TOX: variants seen among roughly 807,000 people sequenced by gnomAD.
TOX encodes the protein thymocyte selection associated high mobility group box, also known as thymocyte selection-associated high mobility group box protein TOX.
In TOX, 11 loss-of-function variants were observed where a neutral mutation model predicts 53.7. The observed-to-expected ratio is 0.20, with a 90% confidence interval of 0.13 to 0.34. TOX has a LOEUF of 0.34. TOX is among the 10% of genes least tolerant of loss of function. The pLI, the probability that TOX is intolerant of heterozygous loss-of-function variation, is 1.00. For missense variants in TOX, 570 were observed against 664.6 expected, an observed-to-expected ratio of 0.86 and a Z score of 1.56; for synonymous variants, 225 against 245.3, an observed-to-expected ratio of 0.92 and a Z score of 0.77.
chr8:58,962,257 T>C (rs1262496852), intron 1 of TOX, among the ~76,000 whole-genome samples: 3 of 152,212 alleles, frequency 2.0e-5, no homozygotes, highest in Non-Finnish European at 4.4e-5. Flanking sequence ...TTAGGTAATA[T>C]TGAGCCAAGA....
chr8:58,925,038 A>G (rs1410620096), intron 3 of TOX, among the ~76,000 whole-genome samples: 2 of 152,100 alleles, frequency 1.3e-5, no homozygotes, highest in African/African-American at 4.8e-5. Context: ...ATGGAGATGC[A>G]CCTCGTGCAC....
intron 3 of TOX, among the ~76,000 whole-genome samples, chr8:58,921,966 A>T: frequency 6.6e-6 from 1 of 152,230 alleles, no homozygotes; most frequent in East Asian, 1.9e-4. Context: ...AAGGACTATG[A>T]TCAGGTACCC....
rs538998529 is a variant in TOX at position 59,118,624 on chromosome 8, A to T, written c.102+262T>A. 9.8e-5 allele frequency among the ~76,000 whole-genome samples: 15 copies of T among 152,330 alleles called. No individual in the cohort carries two copies. The highest frequency in any genetic ancestry group is 6.8e-3 in the Middle Eastern group (2 of 294). On this transcript the variant is annotated intron_variant, in intron 1 of 8. Coordinates refer to ENST00000361421, the MANE Select transcript of TOX (RefSeq NM_014729.3). This position sits in a 1 kb window ranked among gnomAD's most constrained non-coding sequence, Gnocchi z 4.1. ...TAAACGCCCCCCGGCAAACCTAGGC[A>T]GGGATCCTTAGCCGCGAACAGCAGG...
At chr8:59,100,837 G>A (rs2129424363) in intron 1 of TOX, among the ~76,000 whole-genome samples, 1 of 152,172 alleles carries the variant, frequency 6.6e-6, no homozygotes, top group South Asian at 2.1e-4. Flanking sequence ...AAAAAAAAGA[G>A]TTGAGCATGA....
chr8:59,100,207 A>AT (rs1459299085), intron 1 of TOX, among the ~76,000 whole-genome samples: 1 of 152,154 alleles, frequency 6.6e-6, no homozygotes, highest in Non-Finnish European at 1.5e-5. Flanking sequence ...TGTTGTTTTC[A>AT]TTTTTTTCTC....
intron 3 of TOX, among the ~76,000 whole-genome samples, chr8:58,894,965 G>T (rs1811617393): frequency 1.3e-5 from 2 of 151,920 alleles, no homozygotes; most frequent in African/African-American, 4.8e-5. Context: ...GGAGGCAGGG[G>T]GATCATGAGG....
At chr8:59,023,720 C>T (rs1814182198) in intron 1 of TOX, among the ~76,000 whole-genome samples, 1 of 152,172 alleles carries the variant, frequency 6.6e-6, no homozygotes. Flanking sequence ...TCTTTCTTTT[C>T]TCACCTACAA....
At chr8:58,841,236 T>C (rs1409459418) in intron 4 of TOX, among the ~76,000 whole-genome samples, 4 of 152,208 alleles carry the variant, frequency 2.6e-5, no homozygotes, top group African/African-American at 9.7e-5. Context: ...TTTCCATTCA[T>C]AGCACGTATC....
At chr8:59,102,176 T>G (rs1203592593) in intron 1 of TOX, among the ~76,000 whole-genome samples, 1 of 152,228 alleles carries the variant, frequency 6.6e-6, no homozygotes, top group Non-Finnish European at 1.5e-5. Context: ...ACATCTTATG[T>G]GGATGGCGGC....
intron 1 of TOX, among the ~76,000 whole-genome samples, chr8:59,044,177 C>T (rs1054657592): frequency 1.4e-5 from 2 of 145,524 alleles, no homozygotes; most frequent in Non-Finnish European, 3.0e-5. Context: ...TGGTGGTATC[C>T]TTAAAGGCTT....
intron 1 of TOX, among the ~76,000 whole-genome samples, chr8:59,050,790 G>GT (rs1255878987): frequency 1.3e-5 from 2 of 151,960 alleles, no homozygotes; most frequent in Non-Finnish European, 2.9e-5. Flanking sequence ...AATTGTTTTT[G>GT]TTTTTTATGT....
At position 59,117,883 on chromosome 8, in the gene TOX, G is replaced by A. The variant is rs1805133934; in HGVS notation, c.102+1003C>T. Among the ~76,000 whole-genome samples, 1 of 152,238 alleles carries A rather than the reference G, an allele frequency of 6.6e-6. No homozygotes were observed. The highest frequency in any genetic ancestry group is 6.5e-5 in the Admixed American group (1 of 15,284). On this transcript the variant is annotated intron_variant, in intron 1 of 8. Coordinates refer to ENST00000361421, the MANE Select transcript of TOX (RefSeq NM_014729.3). The surrounding 1 kb of genome is among the most constrained non-coding windows in gnomAD (Gnocchi z 4.6). ...GGGACTGCTTAGACACGTCCAACTAGCCCTAGGCGTGGGCAGTCGTGCCCC... is the reference window on the plus strand; with the variant it reads ...GGGACTGCTTAGACACGTCCAACTAACCCTAGGCGTGGGCAGTCGTGCCCC...
chr8:58,817,440 A>AT (rs1265789434), intron 6 of TOX, among the ~76,000 whole-genome samples: 1 of 152,170 alleles, frequency 6.6e-6, no homozygotes, highest in Admixed American at 6.5e-5. Flanking sequence ...CCATTTAAAA[A>AT]TTCTTATTGT....
chr8:59,090,384 C>A (rs1454823886), intron 1 of TOX, among the ~76,000 whole-genome samples: 1 of 152,180 alleles, frequency 6.6e-6, no homozygotes, highest in Non-Finnish European at 1.5e-5. Context: ...GTTTCCAATG[C>A]AGGATATGAC....
At chr8:59,078,986 T>G (rs1804347193) in intron 1 of TOX, among the ~76,000 whole-genome samples, 1 of 152,206 alleles carries the variant, frequency 6.6e-6, no homozygotes, top group Non-Finnish European at 1.5e-5. Flanking sequence ...TGTATTTTGT[T>G]CATCCCCTAG....
chr8:58,953,295 A>G (rs577427292), intron 2 of TOX, among the ~76,000 whole-genome samples: 4 of 152,288 alleles, frequency 2.6e-5, no homozygotes, highest in Middle Eastern at 3.4e-3. Context: ...ACAGCTCTTA[A>G]GACATTTTTA....
chr8:59,040,058 G>A (rs1803547152), intron 1 of TOX, among the ~76,000 whole-genome samples: 1 of 152,160 alleles, frequency 6.6e-6, no homozygotes, highest in Non-Finnish European at 1.5e-5. Flanking sequence ...GGCCGGGCGC[G>A]GCGGCTCACG....
chr8:58,920,721 T>TAAAAAAAAAAAAA (rs5891703), intron 3 of TOX, among the ~76,000 whole-genome samples: 50 of 80,644 alleles, frequency 6.2e-4, no homozygotes, highest in East Asian at 1.2e-3. Context: ...AAAAAAACAT[T>TAAAAAAAAAAAAA]AAAAAAAAAA....
chr8:58,897,537 G>C (rs1430611582), intron 3 of TOX, among the ~76,000 whole-genome samples: 1 of 152,106 alleles, frequency 6.6e-6, no homozygotes, highest in African/African-American at 2.4e-5. Context: ...ACTCAGTAAT[G>C]TGTTCTCTGC....
Sources: gnomAD v4.1 joint callset for allele counts (sites outside exome capture counted in the v4.1 genomes callset) on GRCh38, gnomAD v4.1.1 for gene constraint, Gnocchi (gnomAD v3.1) non-coding constraint, MANE v1.5 for transcripts, NCBI Gene and HGNC (gene_info 2026-07-23, HGNC 2026-07-21) for gene names.